SLCO6A1: variants seen among roughly 807,000 people sequenced by gnomAD.
SLCO6A1 encodes the protein cancer/testis antigen 48.
Under a neutral mutation model 72.7 loss-of-function variants are expected in SLCO6A1, and 65 were observed. The observed-to-expected ratio is 0.89, with a 90% CI of 0.73 to 1.10. The LOEUF (loss-of-function observed/expected upper bound fraction) is 1.10. Among genes scored for constraint, SLCO6A1 ranks in the 50% least tolerant of loss-of-function variants. The pLI, the probability that SLCO6A1 is intolerant of heterozygous loss-of-function variation, is 0.00. For synonymous variants in SLCO6A1, 314 were observed against 298.2 expected (o/e 1.05, Z -0.55); for missense variants, 874 against 872.6 (o/e 1.00, Z -0.02).
intron 11 of SLCO6A1, among the ~76,000 whole-genome samples, chr5:102,390,764 T>A (rs867744658): frequency 5.3e-5 from 8 of 152,252 alleles, no homozygotes; most frequent in South Asian, 4.1e-4. Context: ...TGATCAAATA[T>A]AATATGCATA....
At chr5:102,408,682 A>G (rs1485544022) in intron 9 of SLCO6A1, among the ~76,000 whole-genome samples, 1 of 152,182 alleles carries the variant, frequency 6.6e-6, no homozygotes, top group African/African-American at 2.4e-5. Context: ...AAGGTTCTTC[A>G]GGCAGAAGAA....
At chr5:102,416,730 T>C (rs10479215) in intron 8 of SLCO6A1, among the ~76,000 whole-genome samples, 98,417 of 152,052 alleles carry the variant, frequency 0.65, 32,065 homozygotes, top group African/African-American at 0.67. Context: ...CAAATTTATG[T>C]AAATAAAAAA....
At position 102,459,795 on chromosome 5, in the gene SLCO6A1, G is replaced by GAAA. The variant is rs148394431; in HGVS notation, c.900-21_900-19dup. 2 of 1,338,676 alleles carry GAAA rather than the reference G, an allele frequency of 1.5e-6. No homozygotes were observed. Among genetic ancestry groups the GAAA allele is most frequent in the Non-Finnish European group, 9.9e-7 (1 of 1,010,038 alleles). 82.9% of individuals were successfully genotyped at this position (1,338,676 alleles called of 1,614,324 possible). On this transcript the variant is annotated intron_variant, in intron 4 of 13. Transcript: ENST00000506729. Reference sequence around the variant, plus strand: ...CTGTAGTGCTTTAATAAAGAAAAGTGAAAAAAAAAAGCAACTTTAGGTATT... The same window carrying GAAA: ...CTGTAGTGCTTTAATAAAGAAAAGTGAAAAAAAAAAAAAGCAACTTTAGGTATT...
intron 11 of SLCO6A1, among the ~76,000 whole-genome samples, chr5:102,390,632 T>TCTAG (rs1367293144): frequency 6.6e-6 from 1 of 152,188 alleles, no homozygotes; most frequent in Non-Finnish European, 1.5e-5. Context: ...AAAATGTTAG[T>TCTAG]CTAGGTTAGT....
chr5:102,457,985 G>A (rs1750821253), intron 6 of SLCO6A1, among the ~76,000 whole-genome samples: 1 of 151,996 alleles, frequency 6.6e-6, no homozygotes, highest in Non-Finnish European at 1.5e-5. Context: ...ATCATTCTCA[G>A]CAAACTATTG....
chr5:102,498,929 G>T lies in SLCO6A1; in HGVS notation c.-85C>A. On this transcript the variant is annotated 5_prime_UTR_variant, in exon 1 of 14. Transcript: ENST00000506729. ...CTGGGCCAACCCAAAGGCCAGCCTG[G>T]CGAGGGCGTCGGAGGACTCGGTGGC... 1 of 1,339,794 alleles carries T rather than the reference G, an allele frequency of 7.5e-7. No individual in the cohort carries two copies. The highest frequency in any genetic ancestry group is 1.0e-6 in the Non-Finnish European group (1 of 984,648). 83.0% of individuals were successfully genotyped at this position (1,339,794 alleles called of 1,614,324 possible).
chr5:102,407,458 A>G, intron 9 of SLCO6A1, among the ~76,000 whole-genome samples: 1 of 152,324 alleles, frequency 6.6e-6, no homozygotes, highest in South Asian at 2.1e-4. Flanking sequence ...ACCTTGAATG[A>G]TGCCCTTGAA....
intron 12 of SLCO6A1, among the ~76,000 whole-genome samples, chr5:102,382,588 T>C (rs1460090913): frequency 6.6e-6 from 1 of 151,566 alleles, no homozygotes; most frequent in East Asian, 1.9e-4. Context: ...ATGAACATGT[T>C]AACAATTTTA....
chr5:102,492,351 G>A (rs1752721419), intron 1 of SLCO6A1, among the ~76,000 whole-genome samples: 1 of 152,176 alleles, frequency 6.6e-6, no homozygotes, highest in Admixed American at 6.5e-5. Flanking sequence ...GAAAAAAAAT[G>A]TCTTTGATGA....
chr5:102,443,735 C>T (rs1224569431), intron 6 of SLCO6A1, among the ~76,000 whole-genome samples: 3 of 152,062 alleles, frequency 2.0e-5, no homozygotes, highest in Admixed American at 6.6e-5. Flanking sequence ...CAATAAAATA[C>T]CCAGGATTTT....
chr5:102,419,516 G>T (rs1287658174), intron 8 of SLCO6A1, among the ~76,000 whole-genome samples: 1 of 152,150 alleles, frequency 6.6e-6, no homozygotes, highest in African/African-American at 2.4e-5. Flanking sequence ...GACTGGCTTT[G>T]CACAGTTAGT....
intron 12 of SLCO6A1, among the ~76,000 whole-genome samples, chr5:102,385,180 T>C (rs2112498773): frequency 6.6e-6 from 1 of 152,320 alleles, no homozygotes; most frequent in South Asian, 2.1e-4. Flanking sequence ...CCTAGTCTTA[T>C]AGAGGTTCCC....
chr5:102,422,103 A>C (rs1201271870), intron 7 of SLCO6A1, among the ~76,000 whole-genome samples: 2 of 152,222 alleles, frequency 1.3e-5, no homozygotes, highest in Non-Finnish European at 2.9e-5. Flanking sequence ...GCCCATGCAA[A>C]AACCCCATCC....
At position 102,498,953 on chromosome 5, in the gene SLCO6A1, G is replaced by A. The variant is rs1753047248; in HGVS notation, c.-109C>T. 9.7e-7 allele frequency: 1 copy of A among 1,028,120 alleles called. No individual in the cohort carries two copies. Among genetic ancestry groups the A allele is most frequent in the Non-Finnish European group, 1.4e-6 (1 of 704,532 alleles). 63.7% of individuals were successfully genotyped at this position (1,028,120 alleles called of 1,614,324 possible). A position where few individuals can be genotyped will look rare whatever the true frequency, so the allele number is the denominator to read the frequency against. ...GGCGAGGGCGTCGGAGGACTCGGTG[G>A]CCACAAGGGGCTCTTGCCGCCCAAG... is the stretch of plus-strand genomic sequence containing the variant. On this transcript the variant is annotated 5_prime_UTR_variant, in exon 1 of 14. Coordinates refer to ENST00000506729, the MANE Select transcript of SLCO6A1 (RefSeq NM_173488.5).
intron 7 of SLCO6A1, among the ~76,000 whole-genome samples, chr5:102,436,508 T>C (rs1387159072): frequency 6.6e-6 from 1 of 152,184 alleles, no homozygotes; most frequent in Admixed American, 6.5e-5. Flanking sequence ...GTATCAGAGA[T>C]GGTAGATGTC....
At chr5:102,416,312 CA>C (rs1354282835) in intron 8 of SLCO6A1, among the ~76,000 whole-genome samples, 1 of 151,638 alleles carries the variant, frequency 6.6e-6, no homozygotes, top group Non-Finnish European at 1.5e-5. Flanking sequence ...AAATATCCAT[CA>C]ACAGATGATT....
intron 6 of SLCO6A1, 38 bp from the exon 7 acceptor site, chr5:102,438,799 T>C (rs780075810): frequency 7.1e-7 from 1 of 1,402,640 alleles, no homozygotes; most frequent in South Asian, 1.6e-5. Flanking sequence ...TTATTTTATT[T>C]TGTTAGATAA....
At chr5:102,492,696 C>T (rs571083070) in intron 1 of SLCO6A1, among the ~76,000 whole-genome samples, 19 of 152,300 alleles carry the variant, frequency 1.2e-4, no homozygotes, top group African/African-American at 1.9e-4. Flanking sequence ...CCTAATACTG[C>T]GCTTTTCCAA....
rs1366611124 is a variant in SLCO6A1 at position 102,412,754 on chromosome 5, T to G, written c.1626+236A>C. On this transcript the variant is annotated intron_variant, in intron 9 of 13. Transcript: ENST00000506729. ...CCAGCCTGGGTGACAGAGTCAGATC[T>G]TGTCTCAAAAAATAAACACACACCA... Among the ~76,000 whole-genome samples the G allele has an allele frequency of 2.0e-5, 3 of 151,608 alleles. 1 individual carries two copies.
Sources: allele counts gnomAD v4.1 joint callset (sites outside exome capture counted in the v4.1 genomes callset), GRCh38; gene constraint gnomAD v4.1.1; transcripts MANE v1.5; gene names NCBI Gene and HGNC (gene_info 2026-07-23, HGNC 2026-07-21).